Variants in TMEM178B observed in about 807,000 individuals in gnomAD.
TMEM178B encodes the protein transmembrane protein 178B.
A neutral mutation model predicts 31.0 loss-of-function variants in TMEM178B; 5 were observed. The observed-to-expected ratio is 0.16, with a 90% confidence interval of 0.08 to 0.34. The LOEUF is 0.34. Ranked by LOEUF, TMEM178B falls within the 10% of genes least tolerant of loss-of-function variation. The probability of loss-of-function intolerance (pLI) is 1.00; values close to 1 mark genes in which losing one functional copy is unlikely to be tolerated. For missense variants in TMEM178B, 275 were observed against 400.3 expected (o/e 0.69, Z 2.67); for synonymous variants, 164 against 164.0 (o/e 1.00, Z 0.00).
At chr7:141,468,885 G>A (rs1460070826) in intron 3 of TMEM178B, among the ~76,000 whole-genome samples, 1 of 152,174 alleles carries the variant, frequency 6.6e-6, no homozygotes, top group Non-Finnish European at 1.5e-5. Context: ...CTGATACATA[G>A]GGCTCAAAGA....
intron 1 of TMEM178B, among the ~76,000 whole-genome samples, chr7:141,140,344 C>A (rs1795750398): frequency 6.6e-6 from 1 of 152,140 alleles, no homozygotes; most frequent in African/African-American, 2.4e-5. Context: ...TCTTAGAACA[C>A]CCTGTTTAAA....
chr7:141,222,501 A>G (rs1797272448), intron 2 of TMEM178B, among the ~76,000 whole-genome samples: 1 of 152,342 alleles, frequency 6.6e-6, no homozygotes, highest in South Asian at 2.1e-4. Context: ...TAAAGTTTAA[A>G]TTAGGTAAAA....
chr7:141,492,204 G>T, the TMEM178B span, among the ~76,000 whole-genome samples: 3 of 152,030 alleles, frequency 2.0e-5, no homozygotes, highest in Non-Finnish European at 4.4e-5. Context: ...CTCCCCATGT[G>T]GTCCCTCTGC....
intron 2 of TMEM178B, among the ~76,000 whole-genome samples, chr7:141,345,924 CTTTTG>C (rs1799611082): frequency 6.6e-6 from 1 of 152,092 alleles, no homozygotes; most frequent in Admixed American, 6.5e-5. Context: ...CCTTATAAAA[CTTTTG>C]TTTTGTGGCA....
chr7:141,325,320 C>T (rs1465885817), intron 2 of TMEM178B, among the ~76,000 whole-genome samples: 1 of 152,106 alleles, frequency 6.6e-6, no homozygotes, highest in Non-Finnish European at 1.5e-5. Context: ...CCCCCCAAGC[C>T]CCCAGATTAT....
intron 3 of TMEM178B, among the ~76,000 whole-genome samples, chr7:141,463,674 T>A (rs1201499810): frequency 6.6e-6 from 1 of 152,160 alleles, no homozygotes; most frequent in East Asian, 1.9e-4. Flanking sequence ...TGAACTGAGA[T>A]CTGAGCAGAG....
At chr7:141,493,218 T>G in the TMEM178B span, among the ~76,000 whole-genome samples, 1 of 151,922 alleles carries the variant, frequency 6.6e-6, no homozygotes, top group Admixed American at 6.6e-5. Flanking sequence ...CTCACGACCC[T>G]CAGGAAGAAG....
intron 2 of TMEM178B, among the ~76,000 whole-genome samples, chr7:141,306,424 GT>G: frequency 6.6e-6 from 1 of 152,172 alleles, no homozygotes; most frequent in Non-Finnish European, 1.5e-5. Context: ...CATGCCATGA[GT>G]CACAGGAAGG....
intron 1 of TMEM178B, among the ~76,000 whole-genome samples, chr7:141,154,736 T>C (rs1796037946): frequency 6.6e-6 from 1 of 151,866 alleles, no homozygotes; most frequent in Non-Finnish European, 1.5e-5. Flanking sequence ...GTTAACTTTT[T>C]TTTTTTTTTT....
intron 2 of TMEM178B, among the ~76,000 whole-genome samples, chr7:141,419,959 A>T (rs1801173754): frequency 6.6e-6 from 1 of 152,194 alleles, no homozygotes; most frequent in South Asian, 2.1e-4. Context: ...ATCAAATATG[A>T]TAAGCAGACT....
the TMEM178B span, among the ~76,000 whole-genome samples, chr7:141,506,302 C>T: frequency 6.6e-6 from 1 of 152,226 alleles, no homozygotes; most frequent in African/African-American, 2.4e-5. Context: ...AAAGCATCTG[C>T]ATTATTTTGT....
intron 1 of TMEM178B, among the ~76,000 whole-genome samples, chr7:141,084,833 G>C (rs1229692489): frequency 6.6e-6 from 1 of 151,982 alleles, no homozygotes; most frequent in Non-Finnish European, 1.5e-5. Flanking sequence ...AATATAAGCC[G>C]GGCAGCAAAC....
rs565062762 is a variant in TMEM178B, at chr7:141,179,147, C to A, written c.383-33444C>A. 5.8e-4 allele frequency among the ~76,000 whole-genome samples: 89 copies of A among 152,294 alleles called. 1 individual carries two copies. The highest frequency in any genetic ancestry group is 2.1e-3 in the African/African-American group (86 of 41,562). ...CTGGTCTATAGAATAAGACTTCAGA[C>A]TAGAAAGCTAAAGGTCTAGATGTAC... On this transcript the variant is annotated intron_variant, in intron 1 of 3. Transcript: ENST00000565468.
intron 1 of TMEM178B, among the ~76,000 whole-genome samples, chr7:141,103,267 G>A (rs1268484485): frequency 6.6e-6 from 1 of 152,224 alleles, no homozygotes; most frequent in African/African-American, 2.4e-5. Context: ...GATCACCGGG[G>A]TAGGAAAGAG....
chr7:141,366,448 G>A (rs796721520), intron 2 of TMEM178B, among the ~76,000 whole-genome samples: 8 of 152,294 alleles, frequency 5.3e-5, no homozygotes, highest in African/African-American at 1.9e-4. Flanking sequence ...TTAGACCAAA[G>A]GATACATTTC....
At chr7:141,378,055 G>T (rs961670476) in intron 2 of TMEM178B, among the ~76,000 whole-genome samples, 7 of 152,108 alleles carry the variant, frequency 4.6e-5, no homozygotes, top group African/African-American at 1.4e-4. Context: ...TGTCTCCTTT[G>T]TCTCCTCTGG....
intron 2 of TMEM178B, among the ~76,000 whole-genome samples, chr7:141,384,657 C>T (rs1800397422): frequency 6.6e-6 from 1 of 152,168 alleles, no homozygotes; most frequent in African/African-American, 2.4e-5. Flanking sequence ...CGTGATGCCT[C>T]CAGCTTTGTT....
At chr7:141,186,134 G>C (rs925818624) in intron 1 of TMEM178B, among the ~76,000 whole-genome samples, 3 of 152,230 alleles carry the variant, frequency 2.0e-5, no homozygotes, top group African/African-American at 7.2e-5. Flanking sequence ...TGGAGAGAAA[G>C]CCATTATCAA....
At chr7:141,290,350 G>A (rs1455987021) in intron 2 of TMEM178B, among the ~76,000 whole-genome samples, 1 of 152,198 alleles carries the variant, frequency 6.6e-6, no homozygotes. Flanking sequence ...AGAGAAGGAG[G>A]TGTGGCTTAC....
Sources: allele counts gnomAD v4.1 joint callset (sites outside exome capture counted in the v4.1 genomes callset), GRCh38; gene constraint gnomAD v4.1.1; transcripts MANE v1.5; gene names NCBI Gene and HGNC (gene_info 2026-07-23, HGNC 2026-07-21).